The following ZNF420 variants were observed in gnomAD, a reference collection of about 807,000 sequenced individuals.
The protein encoded by ZNF420 is zinc finger protein 420.
In ZNF420, 31 loss-of-function variants were observed where a neutral mutation model predicts 44.7. The ratio of observed to expected loss-of-function variants is 0.69; its 90% CI spans 0.52 to 0.94. The LOEUF (loss-of-function observed/expected upper bound fraction) is 0.94. Ranked by LOEUF, ZNF420 falls within the 40% of genes least tolerant of loss-of-function variation. ZNF420 has a pLI of 0.00. For missense variants in ZNF420, 681 were observed against 827.9 expected (o/e 0.82, Z 2.18); for synonymous variants, 245 against 267.4 (o/e 0.92, Z 0.82).
chr19:37,035,821 C>T (rs1247867176), intron 1 of ZNF420, among the ~76,000 whole-genome samples: 3 of 151,622 alleles, frequency 2.0e-5, no homozygotes, highest in African/African-American at 7.3e-5. Flanking sequence ...AGCTATCATT[C>T]AATAATCATA....
At chr19:37,041,187 G>A (rs115568741) in intron 1 of ZNF420, among the ~76,000 whole-genome samples, 3,662 of 151,830 alleles carry the variant, frequency 0.024, 162 homozygotes, top group African/African-American at 0.083. Flanking sequence ...GTTAGGCATA[G>A]TGGCACACTC....
intron 2 of ZNF420, among the ~76,000 whole-genome samples, chr19:37,081,575 C>T (rs1036907892): frequency 1.3e-5 from 2 of 149,974 alleles, no homozygotes; most frequent in African/African-American, 4.9e-5. Context: ...AATCTTGGCT[C>T]ACTGCAACCT....
At chr19:37,044,484 G>A (rs1234022072) in intron 1 of ZNF420, among the ~76,000 whole-genome samples, 1 of 152,180 alleles carries the variant, frequency 6.6e-6, no homozygotes, top group Non-Finnish European at 1.5e-5. Flanking sequence ...TGGGATTATA[G>A]CCTAAGGTAA....
chr19:37,054,545 C>A (rs1426742838), intron 1 of ZNF420, among the ~76,000 whole-genome samples: 1 of 152,226 alleles, frequency 6.6e-6, no homozygotes, highest in Non-Finnish European at 1.5e-5. Context: ...GAAGACAAAA[C>A]CACAGTGACA....
chr19:37,030,647 G>C (rs545311761), intron 1 of ZNF420, among the ~76,000 whole-genome samples: 2 of 152,256 alleles, frequency 1.3e-5, no homozygotes, highest in East Asian at 3.9e-4. Flanking sequence ...TCATATACAA[G>C]TATGCAGGTG....
intron 2 of ZNF420, among the ~76,000 whole-genome samples, chr19:37,080,839 G>C (rs189871885): frequency 8.6e-5 from 13 of 151,930 alleles, no homozygotes; most frequent in Admixed American, 2.0e-4. Flanking sequence ...GATGGAACGA[G>C]GTTAGGAGAT....
At chr19:37,124,209 A>C (rs1448955752) in intron 4 of ZNF420, among the ~76,000 whole-genome samples, 1 of 152,212 alleles carries the variant, frequency 6.6e-6, no homozygotes, top group African/African-American at 2.4e-5. Context: ...TTTCTCACTT[A>C]GCAAAATATA....
At chr19:37,088,984 T>A (rs1363750457) in intron 2 of ZNF420, 55 bp from the exon 3 acceptor site, 5 of 778,480 alleles carry the variant, frequency 6.4e-6, no homozygotes, top group Non-Finnish European at 1.1e-5. Flanking sequence ...TCCAACTGAA[T>A]CATTTGTTAC....
At position 37,127,253 on chromosome 19, in the gene ZNF420, G is replaced by A. The variant is rs751399057; in HGVS notation, c.262G>A (p.Asp88Asn). 6 of 1,613,580 alleles carry A rather than the reference G, an allele frequency of 3.7e-6. No individual in the cohort carries two copies. The South Asian group carries it at 5.5e-5, about 15-fold the overall frequency. The change falls in exon 5 of 5, where the codon GAT becomes AAT. Residue 88 changes from aspartate (D) to asparagine (N), a missense_variant. Coordinates refer to ENST00000337995, the MANE Select transcript of ZNF420 (RefSeq NM_144689.5). Reference protein sequence around the residue: ...NCDLEESNSRDYLEAKGKMEK... With the variant: ...NCDLEESNSRNYLEAKGKMEK... ...TGATCTTGAAGAGTCCAATTCCAGG[G>A]ATTATTTGGAAGCCAAAGGCAAGAT...
At chr19:37,065,354 CATT>C (rs1967951193) in intron 1 of ZNF420, among the ~76,000 whole-genome samples, 1 of 152,240 alleles carries the variant, frequency 6.6e-6, no homozygotes. Context: ...GACTCTTTTA[CATT>C]ATGTCAGACA....
intron 1 of ZNF420, among the ~76,000 whole-genome samples, chr19:37,068,138 G>A (rs1967999826): frequency 6.6e-6 from 1 of 152,026 alleles, no homozygotes; most frequent in Admixed American, 6.6e-5. Context: ...TGCTGGGCAG[G>A]AAAAATGTTT....
chr19:37,076,953 C>CAAG (rs1416815132), upstream of ZNF420, among the ~76,000 whole-genome samples: 1 of 152,190 alleles, frequency 6.6e-6, no homozygotes, highest in African/African-American at 2.4e-5. Flanking sequence ...TTCATTCCCT[C>CAAG]AAGAATTCTG....
intron 4 of ZNF420, among the ~76,000 whole-genome samples, chr19:37,113,073 G>A (rs1433984013): frequency 1.3e-5 from 2 of 152,162 alleles, no homozygotes; most frequent in African/African-American, 4.8e-5. Context: ...AGGAACAAAG[G>A]GCTAAATTGG....
rs1971513670 is a variant in ZNF420, at chr19:37,128,916, C to T, written c.1925C>T (p.Pro642Leu). Residue 642 changes from proline (P) to leucine (L), a missense_variant, in exon 5 of 5, where the codon CCA becomes CTA. This residue lies in a region of ZNF420 where 280 missense variants were observed against 338.6 expected (regional missense o/e 0.83). Coordinates refer to ENST00000337995, the MANE Select transcript of ZNF420 (RefSeq NM_144689.5). ...CAGAGAATTCATACTGGTGAGAAACCATATCAATGTAAGGAATGTGGGAAG... is the reference window on the plus strand; with the variant it reads ...CAGAGAATTCATACTGGTGAGAAACTATATCAATGTAAGGAATGTGGGAAG... Reference protein sequence around the residue: ...RHQRIHTGEKPYQCKECGKAF... With the variant: ...RHQRIHTGEKLYQCKECGKAF... 1 of 1,614,064 alleles carries T rather than the reference C, an allele frequency of 6.2e-7. No homozygotes were observed. Among genetic ancestry groups the T allele is most frequent in the Non-Finnish European group, 8.5e-7 (1 of 1,179,970 alleles).
chr19:37,038,879 G>A (rs957401378), intron 1 of ZNF420, among the ~76,000 whole-genome samples: 4 of 152,070 alleles, frequency 2.6e-5, no homozygotes, highest in Middle Eastern at 3.4e-3. Flanking sequence ...CCAGCTCCTC[G>A]GGCGTCTGAG....
intron 4 of ZNF420, among the ~76,000 whole-genome samples, chr19:37,101,620 C>G (rs1969781722): frequency 2.6e-5 from 4 of 152,226 alleles, no homozygotes; most frequent in Admixed American, 6.5e-5. Flanking sequence ...AGCCTGTAAC[C>G]ACTGCATCCA....
rs566566931 is a variant in ZNF420, at chr19:37,059,352, G to A, written c.-124-20993G>A. Among the ~76,000 whole-genome samples the A allele has an allele frequency of 1.2e-4, 19 of 152,330 alleles. No individual in the cohort carries two copies. The South Asian group carries it at 3.3e-3, about 27-fold the overall frequency. On this transcript the variant is annotated intron_variant, in intron 1 of 4. Coordinates refer to the ZNF420 transcript ENST00000587029. ...AGCCTGACTTCTAGGAGCGGAGCGC[G>A]AGTCAACCCCGCCAATGCGCATGCG...
intron 4 of ZNF420, among the ~76,000 whole-genome samples, chr19:37,099,693 G>A (rs578202244): frequency 2.5e-4 from 38 of 152,088 alleles, no homozygotes; most frequent in African/African-American, 4.3e-4. Context: ...GTGCAATCTC[G>A]GCTCACTACA....
At chr19:37,010,895 G>T (rs888902235) in intron 1 of ZNF420, among the ~76,000 whole-genome samples, 1 of 152,120 alleles carries the variant, frequency 6.6e-6, no homozygotes, top group Non-Finnish European at 1.5e-5. Context: ...GCAGACAAAC[G>T]TCAAAGAAGA....
Sources: gnomAD v4.1 joint callset for allele counts (sites outside exome capture counted in the v4.1 genomes callset) on GRCh38, gnomAD v4.1.1 for gene constraint, gnomAD v4.1.1 regional missense constraint, MANE v1.5 for transcripts, NCBI Gene and HGNC (gene_info 2026-07-23, HGNC 2026-07-21) for gene names.